Variants in DLEU7 observed in about 807,000 individuals in gnomAD.
DLEU7 encodes the protein leukemia-associated protein 7.
DLEU7 carries 17 observed loss-of-function variants against 16.0 expected under a neutral mutation model. The ratio of observed to expected loss-of-function variants is 1.06; its 90% CI spans 0.73 to 1.59. The LOEUF (loss-of-function observed/expected upper bound fraction) is 1.59. DLEU7 is among the 40% of genes most tolerant of loss of function. The pLI, the probability that DLEU7 is intolerant of heterozygous loss-of-function variation, is 0.00. For missense variants in DLEU7, 308 were observed against 314.9 expected, an observed-to-expected ratio of 0.98 and a Z score of 0.17; for synonymous variants, 113 against 139.8, an observed-to-expected ratio of 0.81 and a Z score of 1.35.
chr13:50,771,229 G>T lies in DLEU7; in HGVS notation c.460-57989C>A, dbSNP rs112740916. ...CAAAAAACCAGCTCCTGGATTCATT[G>T]ATTTTTTGAAGGATTTTTTTGTGTC... On this transcript the variant is annotated intron_variant, in intron 1 of 1. Transcript: ENST00000400393. Among the ~76,000 whole-genome samples, 942 of 151,966 alleles carry T rather than the reference G, an allele frequency of 6.2e-3. 13 individuals are homozygous for T. The highest frequency in any genetic ancestry group is 0.02 in the African/African-American group (847 of 41,524).
chr13:50,749,260 A>G (rs1001877933), intron 1 of DLEU7, among the ~76,000 whole-genome samples: 7 of 151,922 alleles, frequency 4.6e-5, no homozygotes, highest in Non-Finnish European at 1.0e-4. Flanking sequence ...TCATATATAC[A>G]TATATTTATA....
chr13:50,823,275 C>T lies in DLEU7; in HGVS notation c.*39G>A, dbSNP rs1159833157. 1.3e-6 allele frequency: 2 copies of T among 1,532,050 alleles called. No homozygotes were observed. Among genetic ancestry groups the T allele is most frequent in the Admixed American group, 3.9e-5 (2 of 50,900 alleles). 94.9% of individuals were successfully genotyped at this position (1,532,050 alleles called of 1,614,324 possible). On this transcript the variant is annotated 3_prime_UTR_variant, in exon 2 of 2. Transcript: ENST00000504404. Reference sequence around the variant, plus strand: ...AAGGTAAGGTATCTGGTTCTCTTAACAGTGCTGGCTGTGGTTTTACTCCCG... The same window carrying T: ...AAGGTAAGGTATCTGGTTCTCTTAATAGTGCTGGCTGTGGTTTTACTCCCG...
At chr13:50,802,041 TG>T (rs1876263721) in intron 1 of DLEU7, among the ~76,000 whole-genome samples, 1 of 139,528 alleles carries the variant, frequency 7.2e-6, no homozygotes, top group Non-Finnish European at 1.5e-5. Flanking sequence ...ATTCTCCTCA[TG>T]GGGGTAGTCA....
At chr13:50,730,952 A>T (rs972814695) in intron 1 of DLEU7, among the ~76,000 whole-genome samples, 4 of 152,186 alleles carry the variant, frequency 2.6e-5, no homozygotes, top group Non-Finnish European at 5.9e-5. Context: ...CACCCACATA[A>T]CAAAAGGATC....
chr13:50,731,997 A>G (rs1873925370), intron 1 of DLEU7, among the ~76,000 whole-genome samples: 1 of 152,204 alleles, frequency 6.6e-6, no homozygotes, highest in African/African-American at 2.4e-5. Context: ...ATACTTTGCA[A>G]TATTGCTTTA....
rs539683970 is a variant in DLEU7 at position 50,823,188 on chromosome 13, C to T, written c.*126G>A. The T allele has an allele frequency of 1.1e-4, 160 of 1,471,414 alleles. 1 individual carries two copies. Among genetic ancestry groups the T allele is most frequent in the Admixed American group, 5.4e-4 (25 of 45,950 alleles). 91.1% of individuals were successfully genotyped at this position (1,471,414 alleles called of 1,614,324 possible). ...AGATGCCACTGGTCAGACTGCTCCA[C>T]GTACCATCAAGTCTTTCCCCTTTGG... is the stretch of plus-strand genomic sequence containing the variant. On this transcript the variant is annotated 3_prime_UTR_variant, in exon 2 of 2. Transcript: ENST00000504404.
intron 1 of DLEU7, among the ~76,000 whole-genome samples, chr13:50,747,630 G>A (rs1405697080): frequency 1.3e-5 from 2 of 151,998 alleles, no homozygotes; most frequent in African/African-American, 2.4e-5. Flanking sequence ...CCACTCATCT[G>A]ATGCCCCTCT....
At chr13:50,755,756 G>T (rs570819873) in intron 1 of DLEU7, among the ~76,000 whole-genome samples, 2 of 48,594 alleles carry the variant, frequency 4.1e-5, no homozygotes, top group Non-Finnish European at 9.2e-5. Flanking sequence ...TTTTTTTGAG[G>T]GGGGGGGCAC....
intron 1 of DLEU7, among the ~76,000 whole-genome samples, chr13:50,766,209 G>GC (rs1326343232): frequency 6.6e-6 from 1 of 152,172 alleles, no homozygotes; most frequent in African/African-American, 2.4e-5. Context: ...GGCTCACTGA[G>GC]CATTGGATGC....
At chr13:50,822,056 G>C (rs897695258), downstream of DLEU7, among the ~76,000 whole-genome samples, 1 of 151,248 alleles carries the variant, frequency 6.6e-6, no homozygotes, top group Non-Finnish European at 1.5e-5. Flanking sequence ...ACACACATGA[G>C]CGCACACACA....
chr13:50,758,221 T>C (rs1372945246), intron 1 of DLEU7, among the ~76,000 whole-genome samples: 1 of 151,884 alleles, frequency 6.6e-6, no homozygotes, highest in Non-Finnish European at 1.5e-5. Context: ...ATGGGGAAAA[T>C]AGATAATTTT....
chr13:50,750,691 T>C (rs1482746500), intron 1 of DLEU7, among the ~76,000 whole-genome samples: 2 of 152,154 alleles, frequency 1.3e-5, no homozygotes, highest in African/African-American at 4.8e-5. Flanking sequence ...TGTTTGTTTG[T>C]TTGTTTGCAG....
chr13:50,754,614 T>C (rs1874696565), intron 1 of DLEU7, among the ~76,000 whole-genome samples: 1 of 152,184 alleles, frequency 6.6e-6, no homozygotes, highest in Non-Finnish European at 1.5e-5. Context: ...GGTCAGTGAG[T>C]TCTTATCTAT....
intron 1 of DLEU7, among the ~76,000 whole-genome samples, chr13:50,836,221 T>C (rs1481689393): frequency 6.6e-6 from 1 of 152,220 alleles, no homozygotes; most frequent in African/African-American, 2.4e-5. Flanking sequence ...AGCTTGTTTC[T>C]TCTCACATTT....
At chr13:50,840,190 G>A (rs1238175643) in intron 1 of DLEU7, 2 of 152,142 alleles carry the variant, frequency 1.3e-5, no homozygotes, top group African/African-American at 4.8e-5. Flanking sequence ...AAATCCTCCT[G>A]CAAGGATTTC....
intron 1 of DLEU7, among the ~76,000 whole-genome samples, chr13:50,826,520 G>A (rs113336093): frequency 1.3e-5 from 2 of 152,106 alleles, no homozygotes; most frequent in Admixed American, 6.5e-5. Context: ...AAGATTACAA[G>A]TTGAAGATGT....
chr13:50,786,051 A>G (rs149025753), intron 1 of DLEU7, among the ~76,000 whole-genome samples: 1 of 152,292 alleles, frequency 6.6e-6, no homozygotes, highest in East Asian at 1.9e-4. Flanking sequence ...TTTGAAGCAG[A>G]TCATGGTGGC....
intron 1 of DLEU7, among the ~76,000 whole-genome samples, chr13:50,803,429 G>A (rs1876301231): frequency 6.6e-6 from 1 of 151,896 alleles, no homozygotes; most frequent in African/African-American, 2.4e-5. Flanking sequence ...CTCTATATTA[G>A]AATATTCTAC....
At chr13:50,841,970 G>A (rs1289691646) in intron 1 of DLEU7, among the ~76,000 whole-genome samples, 1 of 151,426 alleles carries the variant, frequency 6.6e-6, no homozygotes, top group Non-Finnish European at 1.5e-5. Context: ...GGCAGTGTCT[G>A]GAGACATTTT....
Sources: allele counts gnomAD v4.1 joint callset (sites outside exome capture counted in the v4.1 genomes callset), GRCh38; gene constraint gnomAD v4.1.1; transcripts MANE v1.5; gene names NCBI Gene and HGNC (gene_info 2026-07-23, HGNC 2026-07-21).